PLOD2: variants seen among roughly 807,000 people sequenced by gnomAD.
PLOD2 encodes the protein lysine hydroxylase 2.
PLOD2 carries 65 observed loss-of-function variants against 101.0 expected under a neutral mutation model. The ratio of observed to expected loss-of-function variants is 0.64; its 90% CI spans 0.53 to 0.79. The LOEUF (loss-of-function observed/expected upper bound fraction) is 0.79, where lower values mean the gene tolerates loss of function less well. PLOD2 is among the 30% of genes least tolerant of loss of function. The probability of loss-of-function intolerance (pLI) is 0.00; values close to 1 mark genes in which losing one functional copy is unlikely to be tolerated. For missense variants in PLOD2, 909 were observed against 914.6 expected (o/e 0.99, Z 0.08); for synonymous variants, 314 against 302.9 (o/e 1.04, Z -0.38).
chr3:146,121,463 T>C (rs2030151769), intron 2 of PLOD2, among the ~76,000 whole-genome samples: 1 of 152,168 alleles, frequency 6.6e-6, no homozygotes, highest in Admixed American at 6.6e-5. Context: ...TCTCAATTTT[T>C]ACCATCTCAA....
chr3:146,081,793 C>A lies in PLOD2; in HGVS notation c.1303G>T (p.Asp435Tyr). The A allele has an allele frequency of 6.2e-7, 1 of 1,607,496 alleles. No homozygotes were observed. Among genetic ancestry groups the A allele is most frequent in the Non-Finnish European group, 8.5e-7 (1 of 1,174,106 alleles). ...WSNFWGALSP[D>Y]GYYARSEDYV... Reference sequence around the variant, plus strand: ...TCTTCAGATCGTGCATAGTATCCATCAGGACTCAATGCTCCCCAGAAATTG... The same window carrying A: ...TCTTCAGATCGTGCATAGTATCCATAAGGACTCAATGCTCCCCAGAAATTG... Residue 435 changes from aspartate to tyrosine, a missense_variant, in exon 12 of 20, where the codon GAT (aspartate) becomes TAT (tyrosine). Coordinates refer to ENST00000282903, the MANE Select transcript of PLOD2 (RefSeq NM_182943.3).
chr3:146,106,120 T>C (rs188539643), intron 5 of PLOD2, among the ~76,000 whole-genome samples: 1 of 152,350 alleles, frequency 6.6e-6, no homozygotes, highest in Admixed American at 6.5e-5. Context: ...ATGTAACCTA[T>C]TCTGTTATTT....
chr3:146,121,162 G>A lies in PLOD2; in HGVS notation c.288C>T (p.Val96=), dbSNP rs750987959. 3 of 1,608,112 alleles carry A rather than the reference G, an allele frequency of 1.9e-6. No individual in the cohort carries two copies. The highest frequency in any genetic ancestry group is 2.7e-5 in the African/African-American group (2 of 74,738). Reference sequence around the variant, plus strand: ...CATCTTGATCAGCATAGTGTTCCATGACTTCTTTCATTAATCTCACTTTCT... The same window carrying A: ...CATCTTGATCAGCATAGTGTTCCATAACTTCTTTCATTAATCTCACTTTCT... ...GGQKVRLMKE[V]MEHYADQDDL... The change falls in exon 3 of 20, where the codon GTC becomes GTT. Residue 96 remains valine (V), a synonymous_variant. Transcript: ENST00000282903.
intron 1 of PLOD2, among the ~76,000 whole-genome samples, chr3:146,147,889 A>G (rs1400842080): frequency 6.6e-6 from 1 of 152,206 alleles, no homozygotes; most frequent in African/African-American, 2.4e-5. Context: ...GACTTCTCAG[A>G]GTCAGCCAGC....
intron 3 of PLOD2, among the ~76,000 whole-genome samples, chr3:146,112,578 C>T (rs1373798275): frequency 6.6e-6 from 1 of 151,914 alleles, no homozygotes; most frequent in Non-Finnish European, 1.5e-5. Flanking sequence ...TGAGGCCGGG[C>T]ACAGTGGCTC....
At chr3:146,077,676 A>G (rs1389014995) in intron 14 of PLOD2, 186 bp downstream of exon 14, 1 of 488,468 alleles carries the variant, frequency 2.0e-6, no homozygotes, top group Non-Finnish European at 3.6e-6. Context: ...AAGAACCAAG[A>G]GTTGACTATC....
rs190052282 is a variant in PLOD2 at position 146,118,733 on chromosome 3, C to T, written c.338+2379G>A. Among the ~76,000 whole-genome samples the T allele has an allele frequency of 3.1e-4, 47 of 151,602 alleles. No individual in the cohort carries two copies. In the East Asian group the frequency reaches 8.9e-3, roughly 29 times the overall value. On this transcript the variant is annotated intron_variant, in intron 3 of 19. Coordinates refer to ENST00000282903, the MANE Select transcript of PLOD2 (RefSeq NM_182943.3). ...TTTTAATTAGGAGAGTGAAATATTA[C>T]ACAAAATACATTTACATTAAAAAGG...
intron 1 of PLOD2, among the ~76,000 whole-genome samples, chr3:146,124,669 A>AACAGATAC (rs1486903723): frequency 6.6e-6 from 1 of 152,114 alleles, no homozygotes; most frequent in Non-Finnish European, 1.5e-5. Flanking sequence ...TACACAAAAA[A>AACAGATAC]AACAGATACA....
At chr3:146,092,634 A>C (rs1937013597) in intron 7 of PLOD2, among the ~76,000 whole-genome samples, 1 of 152,058 alleles carries the variant, frequency 6.6e-6, no homozygotes, top group Non-Finnish European at 1.5e-5. Context: ...ATCTGTTCTT[A>C]AACAGCTATT....
At chr3:146,113,619 A>C (rs918266581) in intron 3 of PLOD2, among the ~76,000 whole-genome samples, 3 of 152,192 alleles carry the variant, frequency 2.0e-5, no homozygotes, top group African/African-American at 7.2e-5. Flanking sequence ...TTCCCTAATC[A>C]ATACTCTTGT....
chr3:146,086,831 T>A lies in PLOD2; in HGVS notation c.1083A>T (p.Gly361=). Residue 361 remains glycine (G), a synonymous_variant, in exon 10 of 20, where the codon GGA becomes GGT. Transcript: ENST00000282903. ...CCGCTTGACTTAGATTTTCTTCTGG[T>A]CCTACTATTTTTATAGTTTTGATTT... ...KHEIKTIKIV[G]PEENLSQAEA... 6.5e-7 allele frequency: 1 copy of A among 1,532,270 alleles called. No individual in the cohort carries two copies. Among genetic ancestry groups the A allele is most frequent in the Non-Finnish European group, 8.9e-7 (1 of 1,123,442 alleles). The allele number at this position is 1,532,270 out of a possible 1,614,324, so 94.9% of individuals were successfully genotyped here. A position where few individuals can be genotyped will look rare whatever the true frequency, so the allele number is the denominator to read the frequency against.
chr3:146,120,795 G>A (rs1226733154), intron 3 of PLOD2, among the ~76,000 whole-genome samples: 1 of 152,016 alleles, frequency 6.6e-6, no homozygotes, highest in Non-Finnish European at 1.5e-5. Context: ...CGCAATCTCG[G>A]CTCACTGCAA....
At position 146,108,982 on chromosome 3, in the gene PLOD2, A is replaced by C. The variant is rs1352108887; in HGVS notation, c.502+1303T>G. On this transcript the variant is annotated intron_variant, in intron 4 of 19. Transcript: ENST00000282903. Reference sequence around the variant, plus strand: ...TATTACTGAGGTCTTGACAGTATGGAGGCCATGATGTGGAAGCAGCACCCA... The same window carrying C: ...TATTACTGAGGTCTTGACAGTATGGCGGCCATGATGTGGAAGCAGCACCCA... Among the ~76,000 whole-genome samples, 8 of 152,200 alleles carry C rather than the reference A, an allele frequency of 5.3e-5. No individual in the cohort carries two copies. The East Asian group carries it at 1.5e-3, about 29-fold the overall frequency.
chr3:146,073,027 C>A (rs1032374498), intron 16 of PLOD2, among the ~76,000 whole-genome samples: 3 of 151,532 alleles, frequency 2.0e-5, no homozygotes, highest in African/African-American at 7.3e-5. Context: ...TCAACAGTTT[C>A]TATTTTTAGT....
In PLOD2 at chr3:146,124,207, T is replaced by C. The variant is rs748002221; in HGVS notation, c.132A>G (p.Val44=). The C allele has an allele frequency of 5.0e-6, 8 of 1,587,696 alleles. No individual in the cohort carries two copies. Among genetic ancestry groups the C allele is most frequent in the Non-Finnish European group, 6.9e-6 (8 of 1,156,872 alleles). The change falls in exon 2 of 20, where the codon GTA becomes GTG. Residue 44 remains valine (V), a synonymous_variant. Coordinates refer to ENST00000282903, the MANE Select transcript of PLOD2 (RefSeq NM_182943.3). ...GGAATCCATCACTTTCTTTTGTTGC[T>C]ACAGTTATGACTAATAATTTATCTG... ...IPTDKLLVIT[V]ATKESDGFHR...
At chr3:146,151,188 T>C (rs1219924601) in intron 1 of PLOD2, among the ~76,000 whole-genome samples, 1 of 152,206 alleles carries the variant, frequency 6.6e-6, no homozygotes, top group Non-Finnish European at 1.5e-5. Flanking sequence ...TCTACCACCA[T>C]TCTGACACTT....
intron 7 of PLOD2, among the ~76,000 whole-genome samples, chr3:146,095,316 C>G (rs1233035386): frequency 6.7e-6 from 1 of 148,964 alleles, no homozygotes; most frequent in East Asian, 2.1e-4. Flanking sequence ...TGCTATCTAT[C>G]CATCCAATAT....
rs758538664 is a variant in PLOD2 at position 146,079,132 on chromosome 3, C to A, written c.1484G>T (p.Arg495Leu). The change falls in exon 13 of 20, where the codon CGA becomes CTA. Residue 495 changes from arginine (R) to leucine (L), a missense_variant. By Grantham distance (102) the Arg-to-Leu change is moderately radical. Coordinates refer to ENST00000282903, the MANE Select transcript of PLOD2 (RefSeq NM_182943.3). ...DKLDPDMALC[R>L]NAREMTLQRE... ...ATATCTTACCATTTCTCTAGCATTT[C>A]GGCAAAGAGCCATATCAGGATCCAG... 1 of 1,612,668 alleles carries A rather than the reference C, an allele frequency of 6.2e-7. No individual in the cohort carries two copies. The highest frequency in any genetic ancestry group is 8.5e-7 in the Non-Finnish European group (1 of 1,178,936).
intron 7 of PLOD2, among the ~76,000 whole-genome samples, chr3:146,093,323 A>G (rs1937041777): frequency 6.6e-6 from 1 of 152,220 alleles, no homozygotes; most frequent in South Asian, 2.1e-4. Flanking sequence ...TGGACAAGTA[A>G]GCCATTCACA....
Sources: allele counts gnomAD v4.1 joint callset (sites outside exome capture counted in the v4.1 genomes callset), GRCh38; gene constraint gnomAD v4.1.1; transcripts MANE v1.5; gene names NCBI Gene and HGNC (gene_info 2026-07-23, HGNC 2026-07-21).